RNLS: variants seen among roughly 807,000 people sequenced by gnomAD.
RNLS encodes renalase.
Under a neutral mutation model 39.8 loss-of-function variants are expected in RNLS, and 39 were observed. The ratio of observed to expected loss-of-function variants is 0.98; its 90% confidence interval spans 0.76 to 1.28. The LOEUF (loss-of-function observed/expected upper bound fraction) is 1.28. RNLS is among the 50% of genes most tolerant of loss of function. RNLS has a pLI of 0.00. For synonymous variants in RNLS, 147 were observed against 150.7 expected, an observed-to-expected ratio of 0.98 and a Z score of 0.18; for missense variants, 410 against 413.3, an observed-to-expected ratio of 0.99 and a Z score of 0.07.
In RNLS at chr10:88,403,883, TA is replaced by T. The variant is rs1196822484; in HGVS notation, c.527-41159del. On this transcript the variant is annotated intron_variant, in intron 4 of 6. Transcript: ENST00000331772. ...GACCCTGTCTCTACAAAATAAAACATAAAAAAAAAATTAGTTGTGTGTGGTG... is the reference window on the plus strand; with the variant it reads ...GACCCTGTCTCTACAAAATAAAACATAAAAAAAAATTAGTTGTGTGTGGTG... Among the ~76,000 whole-genome samples, 33 of 148,512 alleles carry T rather than the reference TA, an allele frequency of 2.2e-4. 1 individual carries two copies. In the East Asian group the frequency reaches 5.3e-3, roughly 24 times the overall value.
intron 4 of RNLS, among the ~76,000 whole-genome samples, chr10:88,515,650 G>A (rs910004337): frequency 2.6e-5 from 4 of 152,010 alleles, no homozygotes; most frequent in Non-Finnish European, 5.9e-5. Flanking sequence ...AGATCATTAA[G>A]GGAAAAAACT....
rs147390554 is a variant in RNLS, at chr10:88,504,842, A to AGTGTGT, written c.526+68060_526+68061insACACAC. Among the ~76,000 whole-genome samples, 1,043 of 106,794 alleles carry AGTGTGT rather than the reference A, an allele frequency of 9.8e-3. 20 individuals carry two copies. The highest frequency in any genetic ancestry group is 0.086 in the East Asian group (361 of 4,222). 70.1% of individuals were successfully genotyped at this position (106,794 alleles called of 152,430 possible). On this transcript the variant is annotated intron_variant, in intron 4 of 6. Transcript: ENST00000331772. ...TGGAGCAAATTAGAGAGAGAGAGAC[A>AGTGTGT]GAGTGTGTGTGTGTGTGTGTGTGTG...
the RNLS span, among the ~76,000 whole-genome samples, chr10:88,197,080 C>T: frequency 9.9e-5 from 15 of 152,142 alleles, no homozygotes; most frequent in Admixed American, 1.3e-4. Flanking sequence ...AAAGTGCATG[C>T]GTGACTTTGG....
At chr10:88,223,863 A>G in the RNLS span, among the ~76,000 whole-genome samples, 2 of 152,150 alleles carry the variant, frequency 1.3e-5, no homozygotes. Context: ...CAGCTGATTA[A>G]CATCGTCTGG....
intron 4 of RNLS, among the ~76,000 whole-genome samples, chr10:88,442,771 T>C (rs1841794022): frequency 6.6e-6 from 1 of 152,302 alleles, no homozygotes; most frequent in South Asian, 2.1e-4. Context: ...GTCCTCCTGA[T>C]TGATCATCTT....
the RNLS span, among the ~76,000 whole-genome samples, chr10:88,223,192 C>T: frequency 5.3e-5 from 8 of 152,360 alleles, no homozygotes; most frequent in Admixed American, 5.2e-4. Flanking sequence ...TCTTCAGGAA[C>T]ATATTTCAGT....
intron 4 of RNLS, among the ~76,000 whole-genome samples, chr10:88,390,365 G>A (rs1036471632): frequency 1.3e-5 from 2 of 152,134 alleles, no homozygotes; most frequent in Non-Finnish European, 2.9e-5. Flanking sequence ...TTTAATATTC[G>A]TTCGTCTGAA....
intron 4 of RNLS, among the ~76,000 whole-genome samples, chr10:88,443,783 C>T (rs932079735): frequency 2.2e-4 from 33 of 152,320 alleles, no homozygotes; most frequent in Non-Finnish European, 3.4e-4. Flanking sequence ...AAGGGGCGCC[C>T]GCCATTGCTG....
chr10:88,525,017 T>G (rs1847030587), intron 4 of RNLS, among the ~76,000 whole-genome samples: 1 of 134,662 alleles, frequency 7.4e-6, no homozygotes, highest in Non-Finnish European at 1.6e-5. Flanking sequence ...ACACATACTA[T>G]GTACCCACAA....
intron 5 of RNLS, among the ~76,000 whole-genome samples, chr10:88,316,399 T>C (rs1320532301): frequency 6.6e-6 from 1 of 152,190 alleles, no homozygotes; most frequent in East Asian, 1.9e-4. Context: ...GTTTTATTTA[T>C]GTTATCAGTT....
chr10:88,458,554 G>T (rs1269459794), intron 4 of RNLS, among the ~76,000 whole-genome samples: 1 of 152,138 alleles, frequency 6.6e-6, no homozygotes, highest in Non-Finnish European at 1.5e-5. Flanking sequence ...TGGTAACTGT[G>T]CTGGTAACTG....
At chr10:88,414,730 A>T (rs1853909137) in intron 4 of RNLS, among the ~76,000 whole-genome samples, 1 of 152,208 alleles carries the variant, frequency 6.6e-6, no homozygotes, top group Admixed American at 6.5e-5. Flanking sequence ...TTGCTCCAGA[A>T]ATGGTCCGTT....
At chr10:88,410,646 T>C (rs1853594819) in intron 4 of RNLS, among the ~76,000 whole-genome samples, 1 of 152,172 alleles carries the variant, frequency 6.6e-6, no homozygotes, top group South Asian at 2.1e-4. Context: ...ATTTATCAAC[T>C]GAGTTTGGAA....
chr10:88,438,635 T>G (rs1184629194), intron 4 of RNLS, among the ~76,000 whole-genome samples: 2 of 152,154 alleles, frequency 1.3e-5, no homozygotes, highest in East Asian at 3.9e-4. Flanking sequence ...AACCACAGAA[T>G]GGGTGGGTGA....
At chr10:88,190,371 A>C in the RNLS span, among the ~76,000 whole-genome samples, 4 of 152,182 alleles carry the variant, frequency 2.6e-5, no homozygotes, top group Non-Finnish European at 5.9e-5. Context: ...GGCCTGACCC[A>C]GAGAACTTCA....
intron 4 of RNLS, among the ~76,000 whole-genome samples, chr10:88,371,015 G>C (rs563306331): frequency 6.6e-6 from 1 of 152,072 alleles, no homozygotes; most frequent in East Asian, 1.9e-4. Flanking sequence ...TTTCCCTGAG[G>C]AAATATTTCT....
the RNLS span, among the ~76,000 whole-genome samples, chr10:88,188,139 C>G: frequency 6.6e-6 from 1 of 152,196 alleles, no homozygotes; most frequent in Non-Finnish European, 1.5e-5. Flanking sequence ...TCGCTGCAAC[C>G]TCTGCCTCCT....
chr10:88,206,245 CTGAT>C, the RNLS span, among the ~76,000 whole-genome samples: 2 of 152,196 alleles, frequency 1.3e-5, no homozygotes, highest in African/African-American at 4.8e-5. Flanking sequence ...TTAGTGGTGT[CTGAT>C]TGCACTTTTA....
At chr10:88,188,263 G>T in the RNLS span, among the ~76,000 whole-genome samples, 3 of 152,136 alleles carry the variant, frequency 2.0e-5, no homozygotes, top group Admixed American at 2.0e-4. Context: ...CACCATGTTT[G>T]CCAGGCTAGC....
Sources: gnomAD v4.1 joint callset for allele counts (sites outside exome capture counted in the v4.1 genomes callset) on GRCh38, gnomAD v4.1.1 for gene constraint, MANE v1.5 for transcripts, NCBI Gene and HGNC (gene_info 2026-07-23, HGNC 2026-07-21) for gene names.